Variants in WDR36 observed in about 807,000 individuals in gnomAD.
WDR36 encodes the protein WD repeat-containing protein 36.
A neutral mutation model predicts 112.7 loss-of-function variants in WDR36; 63 were observed. The observed-to-expected ratio is 0.56, with a 90% CI of 0.46 to 0.69. The LOEUF (loss-of-function observed/expected upper bound fraction) is 0.69. WDR36 is among the 30% of genes least tolerant of loss of function. The probability of loss-of-function intolerance (pLI) is 0.00; values close to 1 mark genes in which losing one functional copy is unlikely to be tolerated. For synonymous variants in WDR36, 410 were observed against 362.2 expected (o/e 1.13, Z -1.50); for missense variants, 1,226 against 1,070.3 (o/e 1.15, Z -2.03).
At chr5:111,101,704 A>G (rs1753124395) in intron 5 of WDR36, among the ~76,000 whole-genome samples, 2 of 151,836 alleles carry the variant, frequency 1.3e-5, no homozygotes, top group South Asian at 4.1e-4. Context: ...AAAAGGGAAA[A>G]TAAGATTATT....
chr5:111,097,112 C>T lies in WDR36; in HGVS notation c.224C>T (p.Ala75Val), dbSNP rs778033080. The change falls in exon 3 of 23, where the codon GCA (alanine) becomes GTA (valine). Residue 75 changes from alanine (A) to valine (V), a missense_variant. Physicochemically the swap from Ala to Val is moderately conservative, Grantham distance 64. Coordinates refer to ENST00000513710, the MANE Select transcript of WDR36 (RefSeq NM_139281.3). ...NSVPQDICCM[A>V]ADGRLVFAAY... The stretch of plus-strand genomic sequence containing the variant: ...GTTCCACAGGATATCTGCTGTATGG[C>T]AGCTGATGGCAGATTAGTCTTTGCT... 14 of 1,613,570 alleles carry T rather than the reference C, an allele frequency of 8.7e-6. No individual in the cohort carries two copies. The South Asian group carries it at 1.5e-4, about 18-fold the overall frequency.
chr5:111,110,769 T>G lies in WDR36; in HGVS notation c.1442-19T>G. The G allele has an allele frequency of 3.1e-6, 5 of 1,607,654 alleles. No homozygotes were observed. The highest frequency in any genetic ancestry group is 4.3e-6 in the Non-Finnish European group (5 of 1,175,894). ...CTGCCAATTCTGATTTTTTTTTTCT[T>G]TTGACATCTACCTTACAGCTCACAA... On this transcript the variant is annotated intron_variant, in intron 13 of 22. Transcript: ENST00000513710.
rs1753006707 is a variant in WDR36 at position 111,097,064 on chromosome 5, TG to T, written c.191-14del. 1 of 1,595,738 alleles carries T rather than the reference TG, an allele frequency of 6.3e-7. No homozygotes were observed. Among genetic ancestry groups the T allele is most frequent in the South Asian group, 1.1e-5 (1 of 90,706 alleles). ...TTAAAAATCCCTGTTTCTTTCATTT[TG>T]TATTTTCTGCTAGGTAATTCTGTTC... On this transcript the variant is annotated splice_polypyrimidine_tract_variant and intron_variant, in intron 2 of 22. Coordinates refer to ENST00000513710, the MANE Select transcript of WDR36 (RefSeq NM_139281.3).
At chr5:111,094,499 G>T (rs1360049323) in intron 1 of WDR36, among the ~76,000 whole-genome samples, 2 of 152,002 alleles carry the variant, frequency 1.3e-5, no homozygotes, top group Non-Finnish European at 2.9e-5. Flanking sequence ...CAGGCTGGGG[G>T]TAGGGAGAAG....
intron 2 of WDR36, chr5:111,095,210 T>C (rs1030209930): frequency 1.3e-5 from 5 of 396,908 alleles, no homozygotes; most frequent in African/African-American, 2.0e-5. Context: ...TTTTGAAGAG[T>C]ACAGGCTCAT....
intron 16 of WDR36, among the ~76,000 whole-genome samples, chr5:111,117,740 G>A (rs1753485410): frequency 1.3e-5 from 2 of 152,210 alleles, no homozygotes; most frequent in South Asian, 4.2e-4. Context: ...TCTTGTTCTT[G>A]AAATAATTTG....
At chr5:111,110,397 T>G in intron 13 of WDR36, 94 bp downstream of exon 13, 1 of 1,022,728 alleles carries the variant, frequency 9.8e-7, no homozygotes, top group South Asian at 1.3e-5. Context: ...GCTGGGCATT[T>G]TGCTAAAGTT....
intron 16 of WDR36, among the ~76,000 whole-genome samples, chr5:111,114,257 G>A (rs1281352423): frequency 6.6e-6 from 1 of 152,016 alleles, no homozygotes; most frequent in East Asian, 1.9e-4. Context: ...AAGAATTGTG[G>A]GAATAGCAAA....
At chr5:111,126,651 G>C in intron 22 of WDR36, 83 bp from the exon 23 acceptor site, 2 of 1,442,972 alleles carry the variant, frequency 1.4e-6, no homozygotes, top group Non-Finnish European at 1.9e-6. Context: ...TGTCTTTTGT[G>C]GTTCCTTGGT....
At position 111,105,214 on chromosome 5, in the gene WDR36, T is replaced by C. The variant is rs75959458; in HGVS notation, c.1028-81T>C. The C allele has an allele frequency of 8.8e-3, 12,752 of 1,441,792 alleles. 651 individuals are homozygous for C. The Admixed American group carries it at 0.12, about 13-fold the overall frequency. 89.3% of individuals were successfully genotyped at this position (1,441,792 alleles called of 1,614,324 possible). A position where few individuals can be genotyped will look rare whatever the true frequency, so the allele number is the denominator to read the frequency against. The stretch of plus-strand genomic sequence containing the variant: ...AAACTGTAACTTCAAGATTTTCAAA[T>C]TGAATTTTATAAAATTTGTGATTCA... On this transcript the variant is annotated intron_variant, in intron 9 of 22. Transcript: ENST00000513710.
At chr5:111,096,067 C>G (rs1163179117) in intron 2 of WDR36, among the ~76,000 whole-genome samples, 1 of 152,108 alleles carries the variant, frequency 6.6e-6, no homozygotes, top group East Asian at 1.9e-4. Flanking sequence ...ACTTATAAAA[C>G]AGGGTTATGC....
At position 111,107,298 on chromosome 5, in the gene WDR36, A is replaced by G. The variant is rs772389496; in HGVS notation, c.1185A>G (p.Glu395=). ...ATGATTTTCATTACGTTTTAGAGGA[A>G]GCTCGTGAAAGTGACTGGGATGGTA... The part of the protein sequence containing the change: ...LPPITKFAAE[E]ARESDWDGII... Residue 395 remains glutamate (E), a synonymous_variant, in exon 12 of 23, where the codon GAA becomes GAG. Transcript: ENST00000513710. 1.2e-5 allele frequency: 20 copies of G among 1,609,520 alleles called. No individual in the cohort carries two copies. The highest frequency in any genetic ancestry group is 1.7e-4 in the Middle Eastern group (1 of 6,058).
At chr5:111,105,052 A>G (rs779457975) in intron 9 of WDR36, among the ~76,000 whole-genome samples, 18 of 151,612 alleles carry the variant, frequency 1.2e-4, no homozygotes, top group Non-Finnish European at 2.4e-4. Context: ...GTTAGATTCT[A>G]AAAATTCTGT....
chr5:111,130,086 C>G lies in WDR36; in HGVS notation c.*3203C>G, dbSNP rs1753760984. 1 of 210,202 alleles carries G rather than the reference C, an allele frequency of 4.8e-6. No individual in the cohort carries two copies. Among genetic ancestry groups the G allele is most frequent in the Non-Finnish European group, 9.7e-6 (1 of 103,428 alleles). The allele number at this position is 210,202 out of a possible 1,614,324, so 13.0% of individuals were successfully genotyped here. A position where few individuals can be genotyped will look rare whatever the true frequency, so the allele number is the denominator to read the frequency against. On this transcript the variant is annotated 3_prime_UTR_variant, in exon 23 of 23. Transcript: ENST00000513710. ...CTCATGTTCTATAAAAATTGGTTAACTGCTGGTGAGCACATCTCTTGAAGT... is the reference window on the plus strand; with the variant it reads ...CTCATGTTCTATAAAAATTGGTTAAGTGCTGGTGAGCACATCTCTTGAAGT...
chr5:111,102,095 AT>A (rs202168842), intron 5 of WDR36, among the ~76,000 whole-genome samples: 3 of 149,224 alleles, frequency 2.0e-5, no homozygotes, highest in Admixed American at 6.8e-5. Context: ...TTACACACGT[AT>A]TTTTTTTTCC....
rs1009921651 is a variant in WDR36, at chr5:111,094,865, GTTA to G, written c.163-50_163-48del. On this transcript the variant is annotated intron_variant, in intron 1 of 22. Coordinates refer to ENST00000513710, the MANE Select transcript of WDR36 (RefSeq NM_139281.3). The stretch of plus-strand genomic sequence containing the variant: ...TTATATCTTAATCTTCAGGTGTTAG[GTTA>G]TTATGATTATGTTTGTTAATGAAAA... 6.4e-6 allele frequency: 9 copies of G among 1,404,160 alleles called. No homozygotes were observed. The African/African-American group carries it at 1.1e-4, about 18-fold the overall frequency. 87.0% of individuals were successfully genotyped at this position (1,404,160 alleles called of 1,614,324 possible).
chr5:111,111,088 T>G, intron 14 of WDR36, 82 bp from the exon 15 acceptor site: 1 of 1,560,038 alleles, frequency 6.4e-7, no homozygotes, highest in Non-Finnish European at 8.8e-7. Flanking sequence ...AAAGTGTACT[T>G]GATTTAACAA....
chr5:111,102,313 A>C (rs1561702881), intron 5 of WDR36, 32 bp from the exon 6 acceptor site: 1 of 1,584,320 alleles, frequency 6.3e-7, no homozygotes, highest in Non-Finnish European at 8.6e-7. Flanking sequence ...AAAAAAAAAA[A>C]ATACAGCTTT....
In WDR36 at chr5:111,124,137, T is replaced by G. The variant is rs1170415415; in HGVS notation, c.2298T>G (p.Ala766=). Residue 766 remains alanine (A), a synonymous_variant, in exon 21 of 23, where the codon GCT becomes GCG. Transcript: ENST00000513710. ...QSKVVNLGVL[A]QKSDFCLKLE... ...AAGTGGTAAATCTTGGAGTTTTGGC[T>G]CAAAAATCAGATTTCTGCTTGAAAC... The G allele has an allele frequency of 1.5e-5, 25 of 1,613,018 alleles. No homozygotes were observed. The highest frequency in any genetic ancestry group is 2.0e-5 in the Non-Finnish European group (24 of 1,179,558).
Sources: gnomAD v4.1 joint callset for allele counts (sites outside exome capture counted in the v4.1 genomes callset) on GRCh38, gnomAD v4.1.1 for gene constraint, MANE v1.5 for transcripts, NCBI Gene and HGNC (gene_info 2026-07-23, HGNC 2026-07-21) for gene names.